The following TMEFF2 variants were observed in gnomAD, a reference collection of about 807,000 sequenced individuals.
TMEFF2 encodes tomoregulin-2.
A neutral mutation model predicts 53.8 loss-of-function variants in TMEFF2; 28 were observed. The observed-to-expected ratio is 0.52, with a 90% CI of 0.39 to 0.71. TMEFF2 has a LOEUF of 0.71. Among genes scored for constraint, TMEFF2 ranks in the 30% least tolerant of loss-of-function variants. The pLI, the probability that TMEFF2 is intolerant of heterozygous loss-of-function variation, is 0.00. For missense variants in TMEFF2, 353 were observed against 455.2 expected, an observed-to-expected ratio of 0.78 and a Z score of 2.04; for synonymous variants, 162 against 166.3, an observed-to-expected ratio of 0.97 and a Z score of 0.20.
At chr2:192,190,857 T>G (rs4853493) in intron 2 of TMEFF2, among the ~76,000 whole-genome samples, 45,681 of 147,894 alleles carry the variant, frequency 0.31, 7,087 homozygotes, top group Middle Eastern at 0.38. Context: ...TAGGTCTAAA[T>G]TTGAGTTTAT....
rs1691568243 is a variant in TMEFF2 at position 192,194,872 on chromosome 2, G to C, written c.-348C>G. On this transcript the variant is annotated 5_prime_UTR_variant, in exon 1 of 10. Coordinates refer to ENST00000272771, the MANE Select transcript of TMEFF2 (RefSeq NM_016192.4). This position sits in a 1 kb window ranked among gnomAD's most constrained non-coding sequence, Gnocchi z 4.2. ...GGAGCCCGAGGAGGCAGGGTGGAGGGAGAGTCAAGGCGCCCCGCAGCCCGG... is the reference window on the plus strand; with the variant it reads ...GGAGCCCGAGGAGGCAGGGTGGAGGCAGAGTCAAGGCGCCCCGCAGCCCGG... 1 of 267,744 alleles carries C rather than the reference G, an allele frequency of 3.7e-6. No homozygotes were observed. The highest frequency in any genetic ancestry group is 5.1e-5 in the South Asian group (1 of 19,500). 16.6% of individuals were successfully genotyped at this position (267,744 alleles called of 1,614,324 possible).
At chr2:192,058,588 T>A (rs1159452939) in intron 4 of TMEFF2, among the ~76,000 whole-genome samples, 2 of 152,054 alleles carry the variant, frequency 1.3e-5, no homozygotes, top group African/African-American at 2.4e-5. Context: ...TGAGAAAAAA[T>A]TTCTAGTATT....
intron 5 of TMEFF2, among the ~76,000 whole-genome samples, chr2:192,049,444 G>T (rs531746768): frequency 6.6e-6 from 1 of 152,200 alleles, no homozygotes; most frequent in African/African-American, 2.4e-5. Context: ...GCTTTGGAAA[G>T]GTTTGTCACA....
intron 4 of TMEFF2, among the ~76,000 whole-genome samples, chr2:192,078,814 A>G (rs931573358): frequency 6.6e-6 from 1 of 152,226 alleles, no homozygotes; most frequent in Admixed American, 6.5e-5. Context: ...CAAACTTAAG[A>G]GCACACATGA....
At chr2:192,172,102 G>C (rs1265956732) in intron 4 of TMEFF2, among the ~76,000 whole-genome samples, 3 of 151,802 alleles carry the variant, frequency 2.0e-5, no homozygotes, top group Non-Finnish European at 4.4e-5. Flanking sequence ...TCACATCTAT[G>C]GTGATTAATG....
chr2:192,114,744 A>G (rs183157872), intron 4 of TMEFF2, among the ~76,000 whole-genome samples: 114 of 152,052 alleles, frequency 7.5e-4, no homozygotes, highest in African/African-American at 2.7e-3. Flanking sequence ...AGTTCTATAT[A>G]CTGAACACAT....
intron 4 of TMEFF2, among the ~76,000 whole-genome samples, chr2:192,146,989 T>C (rs575341744): frequency 6.6e-6 from 1 of 152,258 alleles, no homozygotes; most frequent in Non-Finnish European, 1.5e-5. Flanking sequence ...CTTTTATTTT[T>C]AACCATAGTA....
chr2:192,151,274 A>AAAAC (rs545009882), intron 4 of TMEFF2, among the ~76,000 whole-genome samples: 203 of 152,014 alleles, frequency 1.3e-3, no homozygotes, highest in African/African-American at 4.5e-3. Flanking sequence ...TAGCAGTGTG[A>AAAAC]AAACAAACTA....
At chr2:192,185,730 C>A (rs1305622000) in intron 2 of TMEFF2, among the ~76,000 whole-genome samples, 3 of 152,042 alleles carry the variant, frequency 2.0e-5, no homozygotes, top group South Asian at 2.1e-4. Flanking sequence ...TATTTCCTAA[C>A]AATACCTAAA....
At chr2:192,184,317 T>C in intron 3 of TMEFF2, 37 bp downstream of exon 3, 1 of 1,601,142 alleles carries the variant, frequency 6.2e-7, no homozygotes, top group Non-Finnish European at 8.5e-7. Context: ...GGATTTGGAA[T>C]CCATGCAGAA....
At chr2:192,189,903 C>G (rs188513359) in intron 2 of TMEFF2, among the ~76,000 whole-genome samples, 38 of 152,284 alleles carry the variant, frequency 2.5e-4, no homozygotes, top group African/African-American at 8.2e-4. Context: ...TTGCAAAGCA[C>G]AAACTAATAG....
At chr2:192,001,822 T>C (rs900721271) in intron 5 of TMEFF2, among the ~76,000 whole-genome samples, 2 of 152,200 alleles carry the variant, frequency 1.3e-5, no homozygotes, top group Admixed American at 6.5e-5. Flanking sequence ...ATTAAACCTC[T>C]TTCTTTTGTA....
chr2:192,117,330 T>C (rs1689437242), intron 4 of TMEFF2, among the ~76,000 whole-genome samples: 1 of 152,184 alleles, frequency 6.6e-6, no homozygotes, highest in African/African-American at 2.4e-5. Context: ...TACTGGTATA[T>C]ACTGTTATGT....
At chr2:192,171,526 T>C (rs1183854707) in intron 4 of TMEFF2, among the ~76,000 whole-genome samples, 3 of 151,970 alleles carry the variant, frequency 2.0e-5, no homozygotes, top group Non-Finnish European at 4.4e-5. Flanking sequence ...AAGAACTTTC[T>C]GTTTCTGGCC....
At chr2:192,062,403 G>T (rs1688065617) in intron 4 of TMEFF2, among the ~76,000 whole-genome samples, 1 of 152,114 alleles carries the variant, frequency 6.6e-6, no homozygotes, top group Non-Finnish European at 1.5e-5. Context: ...TCCTGTTGAA[G>T]GATATCTGGG....
At chr2:192,190,482 C>T (rs1691435424) in intron 2 of TMEFF2, among the ~76,000 whole-genome samples, 1 of 152,110 alleles carries the variant, frequency 6.6e-6, no homozygotes, top group African/African-American at 2.4e-5. Flanking sequence ...CTCTATCTCT[C>T]TCATGTAGTT....
chr2:192,103,979 G>A (rs773772160), intron 4 of TMEFF2, among the ~76,000 whole-genome samples: 2 of 151,818 alleles, frequency 1.3e-5, no homozygotes, highest in Admixed American at 6.6e-5. Flanking sequence ...AAAAGCCACC[G>A]GGAGTTTTGA....
At chr2:192,099,919 C>T (rs532173323) in intron 4 of TMEFF2, among the ~76,000 whole-genome samples, 2 of 152,032 alleles carry the variant, frequency 1.3e-5, no homozygotes, top group South Asian at 2.1e-4. Flanking sequence ...ATATGTATTA[C>T]TCAAGTGTAT....
In TMEFF2 at chr2:191,953,822, A is replaced by T; in HGVS notation, c.885T>A (p.Tyr295Ter). 1 of 1,609,220 alleles carries T rather than the reference A, an allele frequency of 6.2e-7. No individual in the cohort carries two copies. The highest frequency in any genetic ancestry group is 8.5e-7 in the Non-Finnish European group (1 of 1,177,456). ...CCTTTTTTTCACAGTGTTGTCCAGT[A>T]TAACCAGCATCACACCTGGAAGAAA... ...QEPSCRCDAG[Y>*]TGQHCEKKDY... is the part of the protein sequence containing the mutation. The change falls in exon 9 of 10, where the codon TAT (tyrosine) becomes TAA (stop). Residue 295 changes from tyrosine to a stop codon, truncating the protein, a stop_gained. Transcript: ENST00000272771. LOFTEE classifies it high-confidence loss of function.
Sources: allele counts gnomAD v4.1 joint callset (sites outside exome capture counted in the v4.1 genomes callset), GRCh38; gene constraint gnomAD v4.1.1; non-coding constraint Gnocchi (gnomAD v3.1); transcripts MANE v1.5; gene names NCBI Gene and HGNC (gene_info 2026-07-23, HGNC 2026-07-21).